Variants in HERPUD2 observed in about 807,000 individuals in gnomAD.
HERPUD2 encodes the protein homocysteine-responsive endoplasmic reticulum-resident ubiquitin-like domain member 2 protein.
HERPUD2 carries 13 observed loss-of-function variants against 49.9 expected under a neutral mutation model. The ratio of observed to expected loss-of-function variants is 0.26; its 90% CI spans 0.17 to 0.41. The LOEUF is 0.41. HERPUD2 is among the 10% of genes least tolerant of loss of function. HERPUD2 has a pLI of 1.00. For synonymous variants in HERPUD2, 172 were observed against 171.4 expected (o/e 1.00, Z -0.03); for missense variants, 449 against 492.2 (o/e 0.91, Z 0.83).
rs1259585736 is a variant in HERPUD2, at chr7:35,635,323, T to G, written c.753A>C (p.Arg251=). 6.2e-7 allele frequency: 1 copy of G among 1,614,132 alleles called. No individual in the cohort carries two copies. Among genetic ancestry groups the G allele is most frequent in the South Asian group, 1.1e-5 (1 of 91,086 alleles). Reference sequence around the variant, plus strand: ...TCATTTGAACATTCTCATTCATGGGTCGATTTTCTTGGGCCACTAGGTTTG... The same window carrying G: ...TCATTTGAACATTCTCATTCATGGGGCGATTTTCTTGGGCCACTAGGTTTG... ...PAPNLVAQEN[R]PMNENVQMNA... The change falls in exon 7 of 9, where the codon CGA becomes CGC. Residue 251 remains arginine (R), a synonymous_variant. Coordinates refer to ENST00000311350, the MANE Select transcript of HERPUD2 (RefSeq NM_022373.5).
intron 6 of HERPUD2, among the ~76,000 whole-genome samples, chr7:35,636,434 G>C (rs1043057576): frequency 1.3e-5 from 2 of 152,172 alleles, no homozygotes; most frequent in African/African-American, 4.8e-5. Flanking sequence ...ACACAGGTGA[G>C]TTACATTACT....
intron 5 of HERPUD2, among the ~76,000 whole-genome samples, chr7:35,640,859 C>T (rs1276730537): frequency 2.0e-5 from 3 of 152,080 alleles, no homozygotes; most frequent in Non-Finnish European, 4.4e-5. Context: ...ATGATCAAAT[C>T]TGTGGGGAAA....
intron 6 of HERPUD2, among the ~76,000 whole-genome samples, chr7:35,636,454 AG>A (rs1784872765): frequency 6.6e-6 from 1 of 152,212 alleles, no homozygotes; most frequent in East Asian, 1.9e-4. Context: ...TTTAAAGGGG[AG>A]AAACTAAGGC....
intron 5 of HERPUD2, among the ~76,000 whole-genome samples, chr7:35,646,097 A>G (rs553881629): frequency 5.3e-5 from 8 of 152,348 alleles, no homozygotes; most frequent in African/African-American, 1.9e-4. Context: ...TATGTTTTGA[A>G]CAACTTCATA....
intron 5 of HERPUD2, among the ~76,000 whole-genome samples, chr7:35,639,693 T>C (rs962205532): frequency 3.3e-5 from 5 of 152,208 alleles, no homozygotes; most frequent in African/African-American, 1.2e-4. Context: ...ATAAATTCAT[T>C]AGCTATAATT....
intron 2 of HERPUD2, among the ~76,000 whole-genome samples, chr7:35,692,001 G>C (rs1786200748): frequency 6.6e-6 from 1 of 152,120 alleles, no homozygotes; most frequent in African/African-American, 2.4e-5. Flanking sequence ...ACCTAGAAAT[G>C]AAAGTCAGAC....
At chr7:35,662,173 T>C (rs1440906176) in intron 5 of HERPUD2, among the ~76,000 whole-genome samples, 1 of 152,210 alleles carries the variant, frequency 6.6e-6, no homozygotes, top group Non-Finnish European at 1.5e-5. Flanking sequence ...GGATGGATTA[T>C]GTTTATGGAT....
chr7:35,644,478 C>T (rs1257069825), intron 5 of HERPUD2, among the ~76,000 whole-genome samples: 1 of 152,096 alleles, frequency 6.6e-6, no homozygotes, highest in East Asian at 1.9e-4. Flanking sequence ...CTTTAAGAAA[C>T]ATCAACCTGC....
At chr7:35,657,928 A>G (rs1405812778) in intron 5 of HERPUD2, among the ~76,000 whole-genome samples, 1 of 151,906 alleles carries the variant, frequency 6.6e-6, no homozygotes, top group African/African-American at 2.4e-5. Flanking sequence ...TCTCAAAAAA[A>G]AAAAAGAAAA....
At chr7:35,672,048 A>G (rs1319049761) in intron 3 of HERPUD2, among the ~76,000 whole-genome samples, 1 of 152,042 alleles carries the variant, frequency 6.6e-6, no homozygotes, top group Non-Finnish European at 1.5e-5. Flanking sequence ...CAAAACTCAT[A>G]GAAAGTGCAA....
Position 35,681,283 on chromosome 7 carries a change from T to C in HERPUD2, c.148-8005A>G, listed in dbSNP as rs192425415. Among the ~76,000 whole-genome samples, 354 of 152,282 alleles carry C rather than the reference T, an allele frequency of 2.3e-3. 1 individual carries two copies. Among genetic ancestry groups the C allele is most frequent in the Non-Finnish European group, 3.5e-3 (236 of 68,022 alleles). Reference sequence around the variant, plus strand: ...AACATACAAATGTAACAAAATTACATAGTAGCCCCCAAAATACATAAAGCA... The same window carrying C: ...AACATACAAATGTAACAAAATTACACAGTAGCCCCCAAAATACATAAAGCA... On this transcript the variant is annotated intron_variant, in intron 2 of 8. Transcript: ENST00000311350.
At chr7:35,644,124 C>T (rs1437390779) in intron 5 of HERPUD2, among the ~76,000 whole-genome samples, 1 of 151,952 alleles carries the variant, frequency 6.6e-6, no homozygotes, top group East Asian at 1.9e-4. Context: ...TATATAAATA[C>T]ACATACCAAA....
intron 2 of HERPUD2, among the ~76,000 whole-genome samples, chr7:35,674,137 C>T (rs1199024994): frequency 2.0e-5 from 3 of 151,714 alleles, no homozygotes; most frequent in African/African-American, 7.3e-5. Context: ...ATGGCTACTA[C>T]AAAAGGGTCT....
intron 5 of HERPUD2, among the ~76,000 whole-genome samples, chr7:35,649,463 C>G (rs1023755147): frequency 6.6e-6 from 1 of 152,154 alleles, no homozygotes; most frequent in Non-Finnish European, 1.5e-5. Flanking sequence ...GAGATTTATT[C>G]TGAGCCAAAT....
intron 2 of HERPUD2, among the ~76,000 whole-genome samples, chr7:35,691,728 T>A (rs142162207): frequency 6.6e-6 from 1 of 152,226 alleles, no homozygotes; most frequent in South Asian, 2.1e-4. Context: ...ACTTCCTTTA[T>A]AATATTACTT....
Position 35,633,491 on chromosome 7 carries a change from T to TAAAA in HERPUD2, c.*195_*198dup. On this transcript the variant is annotated 3_prime_UTR_variant, in exon 9 of 9. Transcript: ENST00000311350. ...TTACGCTATGTTCTGTTAGGATCTT[T>TAAAA]AAAAAAAAAAAAAAAAAACTCAGAT... 4.8e-4 allele frequency: 136 copies of TAAAA among 284,228 alleles called. No homozygotes were observed. Among genetic ancestry groups the TAAAA allele is most frequent in the Middle Eastern group, 2.1e-3 (2 of 962 alleles). The allele number at this position is 284,228 out of a possible 1,614,324, so 17.6% of individuals were successfully genotyped here.
intron 5 of HERPUD2, among the ~76,000 whole-genome samples, chr7:35,653,877 G>A (rs1230831788): frequency 1.3e-5 from 2 of 152,148 alleles, no homozygotes; most frequent in South Asian, 4.1e-4. Context: ...GTATGTGCCT[G>A]TAATCCCAGC....
At chr7:35,683,018 C>A (rs1274239650) in intron 2 of HERPUD2, among the ~76,000 whole-genome samples, 1 of 151,936 alleles carries the variant, frequency 6.6e-6, no homozygotes, top group Non-Finnish European at 1.5e-5. Flanking sequence ...ACAAATTCAA[C>A]GCAATTCCCA....
At chr7:35,680,616 C>G (rs1049302079) in intron 2 of HERPUD2, among the ~76,000 whole-genome samples, 4 of 152,182 alleles carry the variant, frequency 2.6e-5, no homozygotes, top group Admixed American at 6.5e-5. Flanking sequence ...CCCAAGCTCT[C>G]TCAATTCAGA....
Sources: gnomAD v4.1 joint callset for allele counts (sites outside exome capture counted in the v4.1 genomes callset) on GRCh38, gnomAD v4.1.1 for gene constraint, MANE v1.5 for transcripts, NCBI Gene and HGNC (gene_info 2026-07-23, HGNC 2026-07-21) for gene names.